Variants in EXOC1 observed in about 807,000 individuals in gnomAD.
EXOC1 encodes the protein SEC3-like 1.
In EXOC1, 67 loss-of-function variants were observed where a neutral mutation model predicts 107.7. The ratio of observed to expected loss-of-function variants is 0.62; its 90% CI spans 0.51 to 0.76. EXOC1 has a LOEUF of 0.76. Ranked by LOEUF, EXOC1 falls within the 30% of genes least tolerant of loss-of-function variation. The pLI, the probability that EXOC1 is intolerant of heterozygous loss-of-function variation, is 0.00. For missense variants in EXOC1, 833 were observed against 1,055.7 expected, an observed-to-expected ratio of 0.79 and a Z score of 2.92; for synonymous variants, 348 against 353.5, an observed-to-expected ratio of 0.98 and a Z score of 0.17.
intron 16 of EXOC1, among the ~76,000 whole-genome samples, chr4:55,897,539 G>C (rs983836242): frequency 2.6e-5 from 4 of 152,110 alleles, no homozygotes; most frequent in African/African-American, 7.2e-5. Flanking sequence ...CCACAATTAA[G>C]TTACAGAAAA....
Position 55,864,377 on chromosome 4 carries a change from CT to C in EXOC1, c.410del (p.Leu137TrpfsTer13). 6.2e-7 allele frequency: 1 copy of C among 1,603,632 alleles called. No individual in the cohort carries two copies. The highest frequency in any genetic ancestry group is 1.1e-5 in the South Asian group (1 of 87,622). ...TGATTTTGTCAATGTTAGCTCACAG[CT>C]TTTGGAAGGTAAAGTTAAATAAAAA... Reference protein sequence around the residue: ...KIDFVNVSSQLLEESVPSGEN... With the variant: ...KIDFVNVSSQXLEESVPSGEN... On this transcript the variant is annotated frameshift_variant, in exon 4 of 19. Transcript: ENST00000381295. LOFTEE classifies it high-confidence loss of function.
chr4:55,857,588 T>C (rs1721118507), intron 1 of EXOC1, among the ~76,000 whole-genome samples: 1 of 152,232 alleles, frequency 6.6e-6, no homozygotes, highest in African/African-American at 2.4e-5. Flanking sequence ...CAAATAGTGC[T>C]ACCATGAACA....
At chr4:55,859,503 T>C (rs1721281911) in intron 2 of EXOC1, among the ~76,000 whole-genome samples, 1 of 152,142 alleles carries the variant, frequency 6.6e-6, no homozygotes, top group Non-Finnish European at 1.5e-5. Flanking sequence ...CCAAACTTTC[T>C]TATTAATTCT....
In EXOC1 at chr4:55,890,278, C is replaced by T. The variant is rs1724364492; in HGVS notation, c.1431C>T (p.Leu477=). Residue 477 remains leucine, a synonymous_variant, in exon 12 of 19, where the codon CTC becomes CTT. Coordinates refer to ENST00000381295, the MANE Select transcript of EXOC1 (RefSeq NM_001024924.2). ...LTGSTSSLNK[L]SVQSSGNRRS... is the part of the protein sequence containing the mutation. Reference sequence around the variant, plus strand: ...GATCTACTTCTAGTCTAAATAAGCTCAGTGTTCAGAGTTCAGGGAATCGCA... The same window carrying T: ...GATCTACTTCTAGTCTAAATAAGCTTAGTGTTCAGAGTTCAGGGAATCGCA... The T allele has an allele frequency of 1.2e-6, 2 of 1,614,008 alleles. No homozygotes were observed. Among genetic ancestry groups the T allele is most frequent in the African/African-American group, 2.7e-5 (2 of 75,038 alleles).
In EXOC1 at chr4:55,871,088, G is replaced by A. The variant is rs770893219; in HGVS notation, c.832-13G>A. ...AATTACACATGCAAATGGTGTGTTT[G>A]CATATATTCTAGAACCACATGGACT... On this transcript the variant is annotated splice_polypyrimidine_tract_variant and intron_variant, in intron 6 of 18. Transcript: ENST00000381295. The A allele has an allele frequency of 3.1e-6, 5 of 1,611,730 alleles. No homozygotes were observed. The East Asian group carries it at 8.9e-5, about 29-fold the overall frequency.
chr4:55,889,052 T>A, intron 11 of EXOC1, 120 bp downstream of exon 11: 2 of 921,354 alleles, frequency 2.2e-6, no homozygotes, highest in Admixed American at 4.1e-5. Flanking sequence ...TGCCAGGTAT[T>A]GGTGAAAGAA....
At chr4:55,882,044 T>C (rs553510224) in intron 9 of EXOC1, among the ~76,000 whole-genome samples, 46 of 152,334 alleles carry the variant, frequency 3.0e-4, no homozygotes, top group African/African-American at 1.1e-3. Context: ...GTAGAGAAGA[T>C]GGTGAACTAG....
chr4:55,893,866 G>C, intron 15 of EXOC1, 86 bp downstream of exon 15: 1 of 1,086,230 alleles, frequency 9.2e-7, no homozygotes, highest in Non-Finnish European at 1.3e-6. Context: ...GGGATTTCCA[G>C]CTTTCTGTTG....
intron 13 of EXOC1, among the ~76,000 whole-genome samples, chr4:55,892,123 A>T (rs556473188): frequency 6.6e-6 from 1 of 152,322 alleles, no homozygotes; most frequent in East Asian, 1.9e-4. Flanking sequence ...TGAGAAATGG[A>T]TTATGATAAA....
In EXOC1 at chr4:55,904,744, T is replaced by G; in HGVS notation, c.*249T>G. 1 of 314,192 alleles carries G rather than the reference T, an allele frequency of 3.2e-6. No individual in the cohort carries two copies. The highest frequency in any genetic ancestry group is 5.7e-6 in the Non-Finnish European group (1 of 174,388). The allele number at this position is 314,192 out of a possible 1,614,324, so 19.5% of individuals were successfully genotyped here. ...TGTCACCATAAAATGCCTTTAGCAT[T>G]TCTCAATGACTGGATGGGAAATTTT... On this transcript the variant is annotated 3_prime_UTR_variant, in exon 19 of 19. Coordinates refer to ENST00000381295, the MANE Select transcript of EXOC1 (RefSeq NM_001024924.2).
At chr4:55,903,854 G>A (rs1392852411) in intron 18 of EXOC1, among the ~76,000 whole-genome samples, 1 of 151,864 alleles carries the variant, frequency 6.6e-6, no homozygotes, top group East Asian at 1.9e-4. Context: ...TGTCCTCCAA[G>A]GCATCAAGCA....
intron 3 of EXOC1, 110 bp downstream of exon 3, chr4:55,860,651 T>C (rs1030338257): frequency 7.8e-5 from 105 of 1,340,554 alleles, no homozygotes; most frequent in Non-Finnish European, 9.4e-5. Flanking sequence ...ATATGTTTGT[T>C]TTCTTATTTT....
Position 55,867,908 on chromosome 4 carries a change from C to T in EXOC1, c.416-428C>T, listed in dbSNP as rs1722098761. Among the ~76,000 whole-genome samples the T allele has an allele frequency of 2.0e-5, 3 of 152,054 alleles. No homozygotes were observed. The South Asian group carries it at 6.2e-4, about 31-fold the overall frequency. On this transcript the variant is annotated intron_variant, in intron 4 of 18. Transcript: ENST00000381295. ...AACAAAAGTAACAAAAGAAAAATTT[C>T]ACCTGGGAAAAAAAGGAAAGCAAAT...
Position 55,889,005 on chromosome 4 carries a change from A to G in EXOC1, c.1375+73A>G, listed in dbSNP as rs1724208355. Reference sequence around the variant, plus strand: ...TAATGTCTAGAAATTAGTTGTCTTGAAAAAAGGTAACACCAAAAATTTTGA... The same window carrying G: ...TAATGTCTAGAAATTAGTTGTCTTGGAAAAAGGTAACACCAAAAATTTTGA... On this transcript the variant is annotated intron_variant, in intron 11 of 18. Transcript: ENST00000381295. 5 of 1,530,504 alleles carry G rather than the reference A, an allele frequency of 3.3e-6. 1 individual carries two copies. The South Asian group carries it at 3.4e-5, about 11-fold the overall frequency. 94.8% of individuals were successfully genotyped at this position (1,530,504 alleles called of 1,614,324 possible). A position where few individuals can be genotyped will look rare whatever the true frequency, so the allele number is the denominator to read the frequency against.
chr4:55,877,044 T>A (rs1327310113), intron 8 of EXOC1: 2 of 982,612 alleles, frequency 2.0e-6, no homozygotes, highest in South Asian at 4.7e-5. Context: ...GAAAATTTTT[T>A]AAAATTCATA....
Position 55,872,967 on chromosome 4 carries a change from A to G in EXOC1, c.1074+1009A>G, listed in dbSNP as rs113408467. 8.5e-3 allele frequency among the ~76,000 whole-genome samples: 1,299 copies of G among 152,194 alleles called. 29 individuals are homozygous for G. Among genetic ancestry groups the G allele is most frequent in the African/African-American group, 0.029 (1,208 of 41,524 alleles). On this transcript the variant is annotated intron_variant, in intron 8 of 18. Coordinates refer to ENST00000381295, the MANE Select transcript of EXOC1 (RefSeq NM_001024924.2). Reference sequence around the variant, plus strand: ...TAGCAGTTTTTAAATGTCCCATAGTAGAGACTATTTTGGCCAAAAAAGCAT... The same window carrying G: ...TAGCAGTTTTTAAATGTCCCATAGTGGAGACTATTTTGGCCAAAAAAGCAT...
Position 55,868,384 on chromosome 4 carries a change from A to T in EXOC1, c.464A>T (p.Glu155Val), listed in dbSNP as rs1722140448. The T allele has an allele frequency of 1.2e-6, 2 of 1,613,626 alleles. No homozygotes were observed. The highest frequency in any genetic ancestry group is 1.7e-5 in the Admixed American group (1 of 59,976). ...ENQSVTGGDE[E>V]VVDEYQELNA... ...CAGAGTGTGACAGGAGGTGATGAAG[A>T]AGTAGTAGATGAATACCAAGAGTTA... Residue 155 changes from glutamate to valine, a missense_variant, in exon 5 of 19, where the codon GAA becomes GTA. Around this residue, in one of 2 missense-constraint regions of EXOC1, gnomAD observed 617 missense variants for 701.3 expected, o/e 0.88. Transcript: ENST00000381295.
intron 13 of EXOC1, among the ~76,000 whole-genome samples, chr4:55,891,802 T>G (rs1217441067): frequency 6.6e-6 from 1 of 152,198 alleles, no homozygotes; most frequent in Non-Finnish European, 1.5e-5. Flanking sequence ...CACTTTGGTA[T>G]ACCAAATAAC....
Position 55,864,273 on chromosome 4 carries a change from T to C in EXOC1, c.302T>C (p.Val101Ala), listed in dbSNP as rs756118480. ...CACTTTGAAAAAATATATAAATGGGTTGCCAGCAGCACTGCTGAAAAGAAT... is the reference window on the plus strand; with the variant it reads ...CACTTTGAAAAAATATATAAATGGGCTGCCAGCAGCACTGCTGAAAAGAAT... ...DLHFEKIYKWVASSTAEKNAF... is the reference protein window; with the variant it reads ...DLHFEKIYKWAASSTAEKNAF... The change falls in exon 4 of 19, where the codon GTT (valine) becomes GCT (alanine). Residue 101 changes from valine to alanine, a missense_variant. Transcript: ENST00000381295. 6.2e-7 allele frequency: 1 copy of C among 1,603,562 alleles called. No homozygotes were observed. Among genetic ancestry groups the C allele is most frequent in the Non-Finnish European group, 8.5e-7 (1 of 1,174,814 alleles).
Sources: gnomAD v4.1 joint callset for allele counts (sites outside exome capture counted in the v4.1 genomes callset) on GRCh38, gnomAD v4.1.1 for gene constraint, gnomAD v4.1.1 regional missense constraint, MANE v1.5 for transcripts, NCBI Gene and HGNC (gene_info 2026-07-23, HGNC 2026-07-21) for gene names.